The following COL2A1 variants were observed in gnomAD, a reference collection of about 807,000 sequenced individuals.
COL2A1 encodes collagen alpha-1(II) chain.
A neutral mutation model predicts 204.5 loss-of-function variants in COL2A1; 28 were observed. The observed-to-expected ratio is 0.14, with a 90% CI of 0.10 to 0.19. The LOEUF (loss-of-function observed/expected upper bound fraction) is 0.19. Among genes scored for constraint, COL2A1 ranks in the 10% least tolerant of loss-of-function variants. COL2A1 has a pLI of 1.00. For missense variants in COL2A1, 1,388 were observed against 2,027.5 expected (o/e 0.68, Z 6.06); for synonymous variants, 708 against 718.7 (o/e 0.99, Z 0.24).
intron 22 of COL2A1, 44 bp downstream of exon 22, chr12:47,986,791 A>G: frequency 1.9e-6 from 3 of 1,610,614 alleles, no homozygotes; most frequent in East Asian, 2.2e-5. Context: ...TGTGCCTCAT[A>G]GAACAGCAGC....
At chr12:47,985,988 G>C (rs1168207729) in intron 23 of COL2A1, 23 bp from the exon 24 acceptor site, 15 of 1,551,102 alleles carry the variant, frequency 9.7e-6, no homozygotes, top group Admixed American at 2.0e-5. Context: ...AGGGAGGAGA[G>C]GCAGTGAGTG....
At chr12:47,996,772 T>C in intron 7 of COL2A1, 147 bp from the exon 8 acceptor site, 2 of 764,826 alleles carry the variant, frequency 2.6e-6, no homozygotes, top group Middle Eastern at 4.6e-4. Context: ...GAATTACCAC[T>C]GATGCCTGGA....
intron 34 of COL2A1, 102 bp from the exon 35 acceptor site, chr12:47,982,262 G>T: frequency 1.9e-6 from 2 of 1,077,516 alleles, no homozygotes; most frequent in Non-Finnish European, 2.9e-6. Context: ...CCCAGTCCCT[G>T]CCCAAGAGGA....
chr12:48,004,108 G>A (rs951284661), intron 1 of COL2A1, 129 bp downstream of exon 1: 2 of 713,542 alleles, frequency 2.8e-6, no homozygotes, highest in Non-Finnish European at 5.1e-6. Flanking sequence ...TGCCTAAGTC[G>A]GCGCGCTACG....
rs778472216 is a variant in COL2A1 at position 47,974,343 on chromosome 12, G to A, written c.4075-12C>T. Reference sequence around the variant, plus strand: ...TCTCCATAGCTGAACTGTTGGGGCAGAGAGCGGCAGTGTGAGGCCTGGGAG... The same window carrying A: ...TCTCCATAGCTGAACTGTTGGGGCAAAGAGCGGCAGTGTGAGGCCTGGGAG... On this transcript the variant is annotated splice_polypyrimidine_tract_variant and intron_variant, in intron 52 of 53. Transcript: ENST00000380518. 9 of 1,613,542 alleles carry A rather than the reference G, an allele frequency of 5.6e-6. No individual in the cohort carries two copies. The Admixed American group carries it at 1.0e-4, about 18-fold the overall frequency.
rs1938726654 is a variant in COL2A1 at position 47,976,756 on chromosome 12, G to A, written c.3435+56C>T. The A allele has an allele frequency of 1.3e-6, 2 of 1,522,822 alleles. No homozygotes were observed. The highest frequency in any genetic ancestry group is 1.8e-6 in the Non-Finnish European group (2 of 1,106,370). The allele number at this position is 1,522,822 out of a possible 1,614,324, so 94.3% of individuals were successfully genotyped here. On this transcript the variant is annotated intron_variant, in intron 48 of 53. Transcript: ENST00000380518. This position sits in a 1 kb window ranked among gnomAD's most constrained non-coding sequence, Gnocchi z 4.3. Reference sequence around the variant, plus strand: ...TGTCCTGGCAGCACAGGGAGCTCAAGTGGGCTCTGTGTGGCAGGAGGCCTC... The same window carrying A: ...TGTCCTGGCAGCACAGGGAGCTCAAATGGGCTCTGTGTGGCAGGAGGCCTC...
intron 11 of COL2A1, 98 bp downstream of exon 11, chr12:47,995,157 T>G: frequency 1.9e-6 from 2 of 1,032,974 alleles, no homozygotes; most frequent in Non-Finnish European, 3.1e-6. Context: ...TCAAGATACC[T>G]CCACCCTGGG....
At position 47,998,022 on chromosome 12, in the gene COL2A1, C is replaced by T. The variant is rs766802524; in HGVS notation, c.375+10G>A. The stretch of plus-strand genomic sequence containing the variant: ...GAAGGGACGGAGAAAGAGATTTCTC[C>T]CTCTCTTACCTGAGGCCCAGGAGGT... On this transcript the variant is annotated intron_variant, in intron 5 of 53. Coordinates refer to ENST00000380518, the MANE Select transcript of COL2A1 (RefSeq NM_001844.5). 2.5e-6 allele frequency: 4 copies of T among 1,614,170 alleles called. No homozygotes were observed. The highest frequency in any genetic ancestry group is 2.2e-5 in the East Asian group (1 of 44,886).
intron 8 of COL2A1, among the ~76,000 whole-genome samples, 159 bp from the exon 9 acceptor site, chr12:47,996,078 C>T (rs746264992): frequency 3.3e-5 from 5 of 152,186 alleles, no homozygotes; most frequent in African/African-American, 4.8e-5. Context: ...CCACTCCCCA[C>T]GCAACACTCT....
rs1312114770 is a variant in COL2A1, at chr12:47,980,955, T to C, written c.2477A>G (p.Glu826Gly). ...GARGAPGERG[E>G]TGPPGPAGFA... ...TCCCGCTGGTCCGGGGGGCCCAGTC[T>C]CTCCACGTTCACCCTGTGAGAGAAG... The change falls in exon 38 of 54, where the codon GAG becomes GGG. Residue 826 changes from glutamate to glycine, a missense_variant. Glu to Gly is a moderately conservative substitution (Grantham distance 98, BLOSUM62 -2). Transcript: ENST00000380518. This position sits in a 1 kb window ranked among gnomAD's most constrained non-coding sequence, Gnocchi z 4.5. The C allele has an allele frequency of 1.3e-6, 2 of 1,551,616 alleles. No individual in the cohort carries two copies. Among genetic ancestry groups the C allele is most frequent in the African/African-American group, 2.7e-5 (2 of 72,942 alleles).
In COL2A1 at chr12:47,973,077, G is replaced by T. The variant is rs946163085; in HGVS notation, c.*330C>A. On this transcript the variant is annotated 3_prime_UTR_variant, in exon 54 of 54. Coordinates refer to ENST00000380518, the MANE Select transcript of COL2A1 (RefSeq NM_001844.5). ...TAGGACACACACAGTTCCTGCGCCC[G>T]GCACCTGAAGGGAGGTCTTCTGGCC... is the stretch of plus-strand genomic sequence containing the variant. 8.4e-6 allele frequency: 5 copies of T among 594,498 alleles called. No individual in the cohort carries two copies. The East Asian group carries it at 1.1e-4, about 13-fold the overall frequency. 36.8% of individuals were successfully genotyped at this position (594,498 alleles called of 1,614,324 possible). A position where few individuals can be genotyped will look rare whatever the true frequency, so the allele number is the denominator to read the frequency against.
intron 1 of COL2A1, among the ~76,000 whole-genome samples, chr12:48,003,736 A>G (rs1279008753): frequency 6.6e-6 from 1 of 152,056 alleles, no homozygotes; most frequent in Non-Finnish European, 1.5e-5. Flanking sequence ...CTCTGCTTTG[A>G]GCCCACCAGC....
intron 32 of COL2A1, 51 bp from the exon 33 acceptor site, chr12:47,982,997 G>A: frequency 1.2e-6 from 2 of 1,607,542 alleles, no homozygotes; most frequent in Non-Finnish European, 8.5e-7. Flanking sequence ...GGGGGAGAAG[G>A]TCCAGGGAGA....
chr12:47,982,418 C>T (rs1397594792), intron 34 of COL2A1, 84 bp downstream of exon 34: 1 of 1,155,844 alleles, frequency 8.7e-7, no homozygotes, highest in Non-Finnish European at 1.3e-6. Flanking sequence ...TCACCAGGTG[C>T]CATAAGGGAA....
At chr12:47,977,200 T>A (rs750381044) in intron 46 of COL2A1, 45 bp from the exon 47 acceptor site, 2 of 1,607,792 alleles carry the variant, frequency 1.2e-6, no homozygotes, top group South Asian at 2.2e-5. Flanking sequence ...CCAGGACAGG[T>A]GGGGGCCTCC....
chr12:47,987,548 G>C lies in COL2A1; in HGVS notation c.1221+63C>G. Reference sequence around the variant, plus strand: ...CCCACAACTGTCAGAGCAAAGTACAGAGTCAAGAGTTCCAAAGCCACAGAC... The same window carrying C: ...CCCACAACTGTCAGAGCAAAGTACACAGTCAAGAGTTCCAAAGCCACAGAC... On this transcript the variant is annotated intron_variant, in intron 19 of 53. Transcript: ENST00000380518. The surrounding 1 kb of genome is among the most constrained non-coding windows in gnomAD (Gnocchi z 4.1). 1 of 1,406,926 alleles carries C rather than the reference G, an allele frequency of 7.1e-7. No individual in the cohort carries two copies. The highest frequency in any genetic ancestry group is 9.9e-7 in the Non-Finnish European group (1 of 1,009,260). The allele number at this position is 1,406,926 out of a possible 1,614,324, so 87.2% of individuals were successfully genotyped here. A position where few individuals can be genotyped will look rare whatever the true frequency, so the allele number is the denominator to read the frequency against.
upstream of COL2A1, chr12:48,005,479 G>C (rs1280122997): frequency 6.6e-6 from 1 of 152,236 alleles, no homozygotes; most frequent in Admixed American, 6.5e-5. Context: ...CCAGGGATCG[G>C]GGAGGCCGAT....
chr12:47,994,185 G>A, intron 12 of COL2A1, 138 bp from the exon 13 acceptor site: 1 of 1,112,138 alleles, frequency 9.0e-7, no homozygotes, highest in Non-Finnish European at 1.4e-6. Flanking sequence ...AGCTCTTTCT[G>A]TAAAACCCAG....
chr12:47,981,008 T>G, intron 37 of COL2A1, 40 bp from the exon 38 acceptor site: 1 of 1,529,896 alleles, frequency 6.5e-7, no homozygotes, highest in Non-Finnish European at 8.8e-7. Context: ...CAGGCCCCGC[T>G]GCCTGACCTG....
Sources: gnomAD v4.1 joint callset for allele counts (sites outside exome capture counted in the v4.1 genomes callset) on GRCh38, gnomAD v4.1.1 for gene constraint, Gnocchi (gnomAD v3.1) non-coding constraint, MANE v1.5 for transcripts, NCBI Gene and HGNC (gene_info 2026-07-23, HGNC 2026-07-21) for gene names.